MORC2: variants seen among roughly 807,000 people sequenced by gnomAD.
MORC2 encodes ATPase MORC2.
MORC2 carries 30 observed loss-of-function variants against 136.0 expected under a neutral mutation model. The ratio of observed to expected loss-of-function variants is 0.22; its 90% CI spans 0.17 to 0.30. The LOEUF is 0.30. Among genes scored for constraint, MORC2 ranks in the 10% least tolerant of loss-of-function variants. MORC2 has a pLI of 1.00. For missense variants in MORC2, 922 were observed against 1,333.1 expected, an observed-to-expected ratio of 0.69 and a Z score of 4.80; for synonymous variants, 439 against 487.0, an observed-to-expected ratio of 0.90 and a Z score of 1.30.
intron 6 of MORC2, among the ~76,000 whole-genome samples, chr22:30,946,088 C>T (rs777602681): frequency 6.6e-6 from 1 of 152,162 alleles, no homozygotes; most frequent in African/African-American, 2.4e-5. Flanking sequence ...TTAATTCCTG[C>T]CACTTGACAG....
At chr22:30,954,036 G>A (rs1229451588) in intron 3 of MORC2, among the ~76,000 whole-genome samples, 2 of 152,124 alleles carry the variant, frequency 1.3e-5, no homozygotes, top group African/African-American at 2.4e-5. Flanking sequence ...CAAGCGCATC[G>A]GCTCAGCCTG....
rs1273034005 is a variant in MORC2 at position 30,941,908 on chromosome 22, C to A, written c.681G>T (p.Glu227Asp). 6.2e-7 allele frequency: 1 copy of A among 1,612,958 alleles called. No homozygotes were observed. The highest frequency in any genetic ancestry group is 8.5e-7 in the Non-Finnish European group (1 of 1,178,984). Residue 227 changes from glutamate (E) to aspartate (D), a missense_variant, in exon 8 of 26, where the codon GAG becomes GAT. Physicochemically the swap from Glu to Asp is conservative, Grantham distance 45 (BLOSUM62 2). Transcript: ENST00000397641. The surrounding 1 kb of genome is among the most constrained non-coding windows in gnomAD (Gnocchi z 4.6). ...ACACTCACGTGCCCTCTGGGGACGT[C>A]TCTGCCATCTGGATATCTCTTGGAT... The part of the protein sequence containing the change: ...ISNPRDIQMA[E>D]TSPEGTKPER...
intron 6 of MORC2, among the ~76,000 whole-genome samples, 192 bp downstream of exon 6, chr22:30,946,149 C>A (rs2040812230): frequency 6.6e-6 from 1 of 152,168 alleles, no homozygotes; most frequent in Non-Finnish European, 1.5e-5. Context: ...ATTTTGCTTC[C>A]TCTCACATTA....
chr22:30,940,923 G>GC lies in MORC2; in HGVS notation c.825-87dup, dbSNP rs2040734259. On this transcript the variant is annotated intron_variant, in intron 9 of 25. Transcript: ENST00000397641. Reference sequence around the variant, plus strand: ...AGCACAGGAAGCACCCTGCCTTCCTGCCTCCTCCCAAGCTGTGCTGTCCTG... The same window carrying GC: ...AGCACAGGAAGCACCCTGCCTTCCTGCCCTCCTCCCAAGCTGTGCTGTCCTG... The GC allele has an allele frequency of 4.6e-5, 52 of 1,121,914 alleles. No homozygotes were observed. In the South Asian group the frequency reaches 5.9e-4, roughly 13 times the overall value. The allele number at this position is 1,121,914 out of a possible 1,614,324, so 69.5% of individuals were successfully genotyped here. A position where few individuals can be genotyped will look rare whatever the true frequency, so the allele number is the denominator to read the frequency against.
rs763289871 is a variant in MORC2, at chr22:30,932,529, CAA to C, written c.2747+14_2747+15del. The C allele has an allele frequency of 3.7e-6, 6 of 1,613,630 alleles. No homozygotes were observed. The African/African-American group carries it at 8.0e-5, about 22-fold the overall frequency. On this transcript the variant is annotated intron_variant, in intron 23 of 25. Transcript: ENST00000397641. This position sits in a 1 kb window ranked among gnomAD's most constrained non-coding sequence, Gnocchi z 4.4. Reference sequence around the variant, plus strand: ...TGCTGCTGGCCCTGGGGTGGGAAGACAAAAGACACATGTACCGGAGGATCTGG... The same window carrying C: ...TGCTGCTGGCCCTGGGGTGGGAAGACAAGACACATGTACCGGAGGATCTGG...
At position 30,932,473 on chromosome 22, in the gene MORC2, A is replaced by C; in HGVS notation, c.2748-21T>G. 1 of 1,613,126 alleles carries C rather than the reference A, an allele frequency of 6.2e-7. No individual in the cohort carries two copies. Among genetic ancestry groups the C allele is most frequent in the Non-Finnish European group, 8.5e-7 (1 of 1,179,116 alleles). On this transcript the variant is annotated intron_variant, in intron 23 of 25. Coordinates refer to ENST00000397641, the MANE Select transcript of MORC2 (RefSeq NM_001303256.3). The surrounding 1 kb of genome is among the most constrained non-coding windows in gnomAD (Gnocchi z 4.4). ...AATTCCTAAAGAAGGCAGGGACAGT[A>C]ATTCAGAATGGCATGGAGCAGGCAG...
chr22:30,947,467 C>T, intron 5 of MORC2, among the ~76,000 whole-genome samples: 1 of 152,192 alleles, frequency 6.6e-6, no homozygotes, highest in East Asian at 1.9e-4. Flanking sequence ...GTCTTTATAA[C>T]ACCCCAGGGA....
In MORC2 at chr22:30,937,174, A is replaced by G; in HGVS notation, c.1499-137T>C. On this transcript the variant is annotated intron_variant, in intron 15 of 25. Coordinates refer to ENST00000397641, the MANE Select transcript of MORC2 (RefSeq NM_001303256.3). The surrounding 1 kb of genome is among the most constrained non-coding windows in gnomAD (Gnocchi z 4.7). Reference sequence around the variant, plus strand: ...CTTCACTCGGGCTCCAACTCTGCCTATCCTTAGAGAATACTAATTCTTCTC... The same window carrying G: ...CTTCACTCGGGCTCCAACTCTGCCTGTCCTTAGAGAATACTAATTCTTCTC... The G allele has an allele frequency of 1.5e-6, 1 of 664,800 alleles. No individual in the cohort carries two copies. Among genetic ancestry groups the G allele is most frequent in the South Asian group, 1.8e-5 (1 of 55,468 alleles). The allele number at this position is 664,800 out of a possible 1,614,324, so 41.2% of individuals were successfully genotyped here.
intron 1 of MORC2, among the ~76,000 whole-genome samples, chr22:30,960,431 A>G (rs896354511): frequency 2.6e-5 from 4 of 152,232 alleles, no homozygotes; most frequent in Admixed American, 2.6e-4. Flanking sequence ...AATAGAGTTC[A>G]AATTCTTCTG....
At position 30,937,170 on chromosome 22, in the gene MORC2, G is replaced by C; in HGVS notation, c.1499-133C>G. On this transcript the variant is annotated intron_variant, in intron 15 of 25. Transcript: ENST00000397641. The surrounding 1 kb of genome is among the most constrained non-coding windows in gnomAD (Gnocchi z 4.7). ...AGATCTTCACTCGGGCTCCAACTCT[G>C]CCTATCCTTAGAGAATACTAATTCT... 1.5e-6 allele frequency: 1 copy of C among 680,922 alleles called. No homozygotes were observed. Among genetic ancestry groups the C allele is most frequent in the East Asian group, 2.7e-5 (1 of 36,986 alleles). The allele number at this position is 680,922 out of a possible 1,614,324, so 42.2% of individuals were successfully genotyped here.
rs769208894 is a variant in MORC2 at position 30,932,522 on chromosome 22, G to A, written c.2747+23C>T. 4 of 1,613,468 alleles carry A rather than the reference G, an allele frequency of 2.5e-6. No homozygotes were observed. The South Asian group carries it at 4.4e-5, about 18-fold the overall frequency. On this transcript the variant is annotated intron_variant, in intron 23 of 25. Coordinates refer to ENST00000397641, the MANE Select transcript of MORC2 (RefSeq NM_001303256.3). The surrounding 1 kb of genome is among the most constrained non-coding windows in gnomAD (Gnocchi z 4.4). ...AGAGAGCTGCTGCTGGCCCTGGGGT[G>A]GGAAGACAAAAGACACATGTACCGG...
At chr22:30,957,876 A>C (rs1399760812) in intron 2 of MORC2, among the ~76,000 whole-genome samples, 1 of 152,254 alleles carries the variant, frequency 6.6e-6, no homozygotes, top group Admixed American at 6.5e-5. Context: ...ATCAGCGAGC[A>C]CATTAACTGG....
intron 17 of MORC2, among the ~76,000 whole-genome samples, chr22:30,936,090 G>T (rs1237265867): frequency 6.6e-6 from 1 of 152,070 alleles, no homozygotes; most frequent in Non-Finnish European, 1.5e-5. Context: ...ATGTGTATGT[G>T]TATGTATTAA....
At chr22:30,952,434 C>T (rs904106329) in intron 3 of MORC2, among the ~76,000 whole-genome samples, 6 of 152,336 alleles carry the variant, frequency 3.9e-5, no homozygotes, top group African/African-American at 1.4e-4. Context: ...TCTTAGGCTG[C>T]TTTAGCACAC....
At chr22:30,936,855 T>G in intron 16 of MORC2, 77 bp downstream of exon 16, 1 of 1,412,248 alleles carries the variant, frequency 7.1e-7, no homozygotes, top group Non-Finnish European at 1.0e-6. Context: ...GTAAGGTATG[T>G]GCACTGACCT....
At chr22:30,950,339 A>ACACCCCCC in intron 4 of MORC2, 38 bp downstream of exon 4, 1 of 539,986 alleles carries the variant, frequency 1.9e-6, no homozygotes, top group Non-Finnish European at 3.5e-6. Flanking sequence ...GTTACATCGC[A>ACACCCCCC]CCCCCCCACC....
At chr22:30,957,909 G>A (rs760364945) in intron 2 of MORC2, among the ~76,000 whole-genome samples, 9 of 152,292 alleles carry the variant, frequency 5.9e-5, no homozygotes, top group Admixed American at 1.3e-4. Context: ...AAGTACTTCC[G>A]CTGTCAATTT....
intron 25 of MORC2, among the ~76,000 whole-genome samples, chr22:30,927,275 G>T (rs2040500168): frequency 6.6e-6 from 1 of 151,900 alleles, no homozygotes; most frequent in Non-Finnish European, 1.5e-5. Context: ...AACCAAGCAG[G>T]TACATGTCTG....
intron 10 of MORC2, among the ~76,000 whole-genome samples, chr22:30,940,267 A>T (rs1306643071): frequency 6.6e-6 from 1 of 151,852 alleles, no homozygotes; most frequent in Admixed American, 6.6e-5. Flanking sequence ...CCCCAAGGAA[A>T]CTTTACAAAT....
Sources: gnomAD v4.1 joint callset for allele counts (sites outside exome capture counted in the v4.1 genomes callset) on GRCh38, gnomAD v4.1.1 for gene constraint, Gnocchi (gnomAD v3.1) non-coding constraint, MANE v1.5 for transcripts, NCBI Gene and HGNC (gene_info 2026-07-23, HGNC 2026-07-21) for gene names.